Variants in ZNHIT6 observed in about 807,000 individuals in gnomAD.
The protein encoded by ZNHIT6 is box C/D snoRNA protein 1.
In ZNHIT6, 45 loss-of-function variants were observed where a neutral mutation model predicts 57.2. That is an observed-to-expected ratio of 0.79 (90% confidence interval 0.62 to 1.01). The LOEUF is 1.01. Ranked by LOEUF, ZNHIT6 falls within the 50% of genes least tolerant of loss-of-function variation. The probability of loss-of-function intolerance (pLI) is 0.00; values close to 1 mark genes in which losing one functional copy is unlikely to be tolerated. For missense variants in ZNHIT6, 528 were observed against 567.3 expected (o/e 0.93, Z 0.70); for synonymous variants, 188 against 190.0 (o/e 0.99, Z 0.09).
At chr1:85,657,107 G>T (rs1470101740) in intron 9 of ZNHIT6, among the ~76,000 whole-genome samples, 1 of 152,048 alleles carries the variant, frequency 6.6e-6, no homozygotes, top group Non-Finnish European at 1.5e-5. Context: ...CTTCTTAAAG[G>T]TAGTGACTAA....
At chr1:85,665,605 A>G (rs1035292391) in intron 8 of ZNHIT6, among the ~76,000 whole-genome samples, 1 of 152,162 alleles carries the variant, frequency 6.6e-6, no homozygotes, top group Non-Finnish European at 1.5e-5. Context: ...TTTGTTTCTT[A>G]AAATTCTTTC....
chr1:85,662,859 C>A (rs1298390082), intron 8 of ZNHIT6, among the ~76,000 whole-genome samples: 1 of 152,160 alleles, frequency 6.6e-6, no homozygotes, highest in Admixed American at 6.5e-5. Flanking sequence ...TTATCCTATT[C>A]TAACCATGAT....
chr1:85,705,624 C>G (rs1168619042), intron 4 of ZNHIT6, among the ~76,000 whole-genome samples: 1 of 152,216 alleles, frequency 6.6e-6, no homozygotes, highest in Admixed American at 6.5e-5. Context: ...TTGTTTCTGA[C>G]TCAGGTCTTT....
chr1:85,660,992 C>G (rs879597853), intron 8 of ZNHIT6, among the ~76,000 whole-genome samples: 4 of 152,112 alleles, frequency 2.6e-5, no homozygotes, highest in Non-Finnish European at 5.9e-5. Flanking sequence ...CCACAGCTTT[C>G]CAACCTGTTA....
chr1:85,706,736 C>T (rs1662696198), intron 1 of ZNHIT6, among the ~76,000 whole-genome samples: 1 of 152,140 alleles, frequency 6.6e-6, no homozygotes, highest in African/African-American at 2.4e-5. Flanking sequence ...ATTTTTAAAA[C>T]CCATCTCGCT....
rs1662751491 is a variant in ZNHIT6, at chr1:85,708,215, G to T, written c.70C>A (p.Leu24Ile). 1.2e-6 allele frequency: 2 copies of T among 1,613,744 alleles called. No individual in the cohort carries two copies. The highest frequency in any genetic ancestry group is 2.7e-5 in the African/African-American group (2 of 74,902). Residue 24 changes from leucine (L) to isoleucine (I), a missense_variant, in exon 1 of 10, where the codon CTA becomes ATA. Coordinates refer to ENST00000370574, the MANE Select transcript of ZNHIT6 (RefSeq NM_017953.4). ...CCCTCCCTGCCAGGCTCTGGACTTA[G>T]CCGCACCCCCTCAGCTACGCTGTGG... ...GLHSVAEGVR[L>I]SPEPGREGVR...
chr1:85,672,386 TA>T (rs1361348902), intron 8 of ZNHIT6, among the ~76,000 whole-genome samples: 5 of 151,834 alleles, frequency 3.3e-5, no homozygotes, highest in Non-Finnish European at 2.9e-5. Context: ...CCTTAACTTT[TA>T]AAAAAAAGTT....
At chr1:85,701,615 G>A (rs1662530944) in intron 5 of ZNHIT6, among the ~76,000 whole-genome samples, 1 of 152,176 alleles carries the variant, frequency 6.6e-6, no homozygotes, top group Non-Finnish European at 1.5e-5. Context: ...ACCCAGTGGA[G>A]AAAGAAAATA....
intron 9 of ZNHIT6, among the ~76,000 whole-genome samples, chr1:85,656,671 G>GA (rs893272560): frequency 6.6e-6 from 1 of 151,848 alleles, no homozygotes; most frequent in Admixed American, 6.6e-5. Flanking sequence ...TTTATTCTGA[G>GA]AAAAAAATTC....
chr1:85,706,180 A>G lies in ZNHIT6; in HGVS notation c.830-17T>C. 6.2e-7 allele frequency: 1 copy of G among 1,612,626 alleles called. No homozygotes were observed. On this transcript the variant is annotated splice_polypyrimidine_tract_variant and intron_variant, in intron 3 of 9. Transcript: ENST00000370574. Reference sequence around the variant, plus strand: ...ATCGATAATCTAAAAATTTCAAAACAGAAGAATAAACAAGTGACATATACC... The same window carrying G: ...ATCGATAATCTAAAAATTTCAAAACGGAAGAATAAACAAGTGACATATACC...
intron 5 of ZNHIT6, among the ~76,000 whole-genome samples, chr1:85,689,930 A>G (rs1458509161): frequency 6.6e-6 from 1 of 152,222 alleles, no homozygotes; most frequent in Non-Finnish European, 1.5e-5. Flanking sequence ...GAGACCAGAT[A>G]TATGCATACC....
intron 8 of ZNHIT6, among the ~76,000 whole-genome samples, chr1:85,664,567 A>T (rs907317244): frequency 3.3e-5 from 5 of 152,094 alleles, no homozygotes; most frequent in Admixed American, 3.3e-4. Context: ...TCTCACTTAT[A>T]AGTGGGAGCT....
At chr1:85,687,312 C>A (rs6699547) in intron 5 of ZNHIT6, among the ~76,000 whole-genome samples, 28,026 of 62,642 alleles carry the variant, frequency 0.45, 5,322 homozygotes, top group East Asian at 0.55. Context: ...AAAAAAAAAA[C>A]AATTTAGAAC....
rs571371037 is a variant in ZNHIT6 at position 85,652,637 on chromosome 1, T to C, written c.*1421A>G. ...ATACTTGTGTCCCACAAATTTATCT[T>C]CTGCTCATCTTCTCATTCTCTTTTC... On this transcript the variant is annotated 3_prime_UTR_variant, in exon 10 of 10. Transcript: ENST00000370574. 1 of 152,332 alleles carries C rather than the reference T, an allele frequency of 6.6e-6. No homozygotes were observed. The highest frequency in any genetic ancestry group is 2.4e-5 in the African/African-American group (1 of 41,586). 9.4% of individuals were successfully genotyped at this position (152,332 alleles called of 1,614,324 possible).
intron 8 of ZNHIT6, among the ~76,000 whole-genome samples, chr1:85,674,453 C>G (rs1250249762): frequency 6.6e-6 from 1 of 152,080 alleles, no homozygotes; most frequent in Non-Finnish European, 1.5e-5. Context: ...GGTTTAGTAT[C>G]AAATCAGTCT....
chr1:85,654,339 T>C (rs1056821049), intron 9 of ZNHIT6, among the ~76,000 whole-genome samples: 2 of 152,220 alleles, frequency 1.3e-5, no homozygotes, highest in Non-Finnish European at 2.9e-5. Context: ...TGTGGAAGAC[T>C]TAGGAATGGT....
rs1485744491 is a variant in ZNHIT6, at chr1:85,653,758, G to GA, written c.*299dup. 158 of 261,518 alleles carry GA rather than the reference G, an allele frequency of 6.0e-4. No homozygotes were observed. Among genetic ancestry groups the GA allele is most frequent in the South Asian group, 9.9e-4 (7 of 7,078 alleles). The allele number at this position is 261,518 out of a possible 1,614,324, so 16.2% of individuals were successfully genotyped here. A position where few individuals can be genotyped will look rare whatever the true frequency, so the allele number is the denominator to read the frequency against. On this transcript the variant is annotated 3_prime_UTR_variant, in exon 10 of 10. Transcript: ENST00000370574. ...CCATCTCAAAAAAAGAAAGAAAAAAGAAAAAAAAAGTTTTCAGTTTATGGA... is the reference window on the plus strand; with the variant it reads ...CCATCTCAAAAAAAGAAAGAAAAAAGAAAAAAAAAAGTTTTCAGTTTATGGA...
intron 8 of ZNHIT6, among the ~76,000 whole-genome samples, chr1:85,673,261 A>C (rs1280243110): frequency 2.6e-5 from 4 of 152,212 alleles, no homozygotes; most frequent in Non-Finnish European, 5.9e-5. Flanking sequence ...CTGAATGAAT[A>C]AGTGAATTTA....
At chr1:85,659,265 T>TCTTG (rs1231712182) in intron 8 of ZNHIT6, among the ~76,000 whole-genome samples, 2 of 152,204 alleles carry the variant, frequency 1.3e-5, no homozygotes, top group Non-Finnish European at 2.9e-5. Flanking sequence ...GAACATTCAT[T>TCTTG]CTTGCTTGCT....
Sources: gnomAD v4.1 joint callset for allele counts (sites outside exome capture counted in the v4.1 genomes callset) on GRCh38, gnomAD v4.1.1 for gene constraint, MANE v1.5 for transcripts, NCBI Gene and HGNC (gene_info 2026-07-23, HGNC 2026-07-21) for gene names.